The following ITGA2 variants were observed in gnomAD, a reference collection of about 807,000 sequenced individuals.
ITGA2 encodes the protein integrin subunit alpha 2.
ITGA2 carries 101 observed loss-of-function variants against 146.3 expected under a neutral mutation model. The ratio of observed to expected loss-of-function variants is 0.69; its 90% CI spans 0.59 to 0.81. The LOEUF (loss-of-function observed/expected upper bound fraction) is 0.81. Ranked by LOEUF, ITGA2 falls within the 40% of genes least tolerant of loss-of-function variation. ITGA2 has a pLI of 0.00. For synonymous variants in ITGA2, 477 were observed against 487.1 expected, an observed-to-expected ratio of 0.98 and a Z score of 0.27; for missense variants, 1,281 against 1,402.7, an observed-to-expected ratio of 0.91 and a Z score of 1.39.
Position 53,090,781 on chromosome 5 carries a change from TGC to T in ITGA2, c.*184_*185del. 1 of 158,314 alleles carries T rather than the reference TGC, an allele frequency of 6.3e-6. No homozygotes were observed. Among genetic ancestry groups the T allele is most frequent in the Non-Finnish European group, 1.2e-5 (1 of 86,468 alleles). 9.8% of individuals were successfully genotyped at this position (158,314 alleles called of 1,614,324 possible). ...AAGAAATTGTGGGGGGTGGGGGAGG[TGC>T]GGGGGGCAGGTAGGGAAATAATAGG... On this transcript the variant is annotated 3_prime_UTR_variant, in exon 30 of 30. Coordinates refer to ENST00000296585, the MANE Select transcript of ITGA2 (RefSeq NM_002203.4).
chr5:53,060,706 G>T (rs910336502), intron 11 of ITGA2, among the ~76,000 whole-genome samples, 195 bp from the exon 12 acceptor site: 2 of 151,948 alleles, frequency 1.3e-5, no homozygotes, highest in African/African-American at 4.8e-5. Context: ...GCAAAGGGAA[G>T]TGCTGCAGGT....
intron 2 of ITGA2, among the ~76,000 whole-genome samples, chr5:53,036,835 A>G (rs1260666211): frequency 2.0e-5 from 3 of 152,206 alleles, no homozygotes; most frequent in Non-Finnish European, 2.9e-5. Context: ...GCCACCACGT[A>G]TAGACTCACA....
intron 17 of ITGA2, among the ~76,000 whole-genome samples, chr5:53,070,852 A>G (rs1176456958): frequency 6.6e-6 from 1 of 151,958 alleles, no homozygotes; most frequent in Non-Finnish European, 1.5e-5. Context: ...TGGAAACCAC[A>G]TAATGGCATT....
rs1740336381 is a variant in ITGA2 at position 53,090,035 on chromosome 5, G to A, written c.3438G>A (p.Leu1146=). 6.2e-7 allele frequency: 1 copy of A among 1,610,444 alleles called. No individual in the cohort carries two copies. Among genetic ancestry groups the A allele is most frequent in the Admixed American group, 1.7e-5 (1 of 59,990 alleles). The change falls in exon 29 of 30, where the codon CTG becomes CTA. Residue 1146 remains leucine (L), a synonymous_variant. Transcript: ENST00000296585. ...GTATAATTGCTGGAATCCTTTTGCT[G>A]TTAGCTCTGGTTGCAATTTTATGGA... is the stretch of plus-strand genomic sequence containing the variant. ...IGSIIAGILL[L]LALVAILWKL...
At chr5:53,078,499 A>T (rs1413602330) in intron 23 of ITGA2, among the ~76,000 whole-genome samples, 2 of 152,146 alleles carry the variant, frequency 1.3e-5, no homozygotes, top group African/African-American at 4.8e-5. Context: ...TTTTGTACTT[A>T]TTTAGAAACT....
chr5:53,036,860 C>T (rs1013508855), intron 2 of ITGA2, among the ~76,000 whole-genome samples: 15 of 152,150 alleles, frequency 9.9e-5, no homozygotes, highest in African/African-American at 3.6e-4. Flanking sequence ...GTATACTGCA[C>T]AAGGCCTGGA....
intron 1 of ITGA2, among the ~76,000 whole-genome samples, chr5:53,000,989 A>C (rs555354433): frequency 1.4e-5 from 2 of 142,874 alleles, no homozygotes; most frequent in Admixed American, 7.5e-5. Flanking sequence ...GCAACTTCCA[A>C]CTCCCGGGTT....
intron 2 of ITGA2, among the ~76,000 whole-genome samples, chr5:53,029,531 C>T (rs1743125378): frequency 6.6e-6 from 1 of 152,190 alleles, no homozygotes; most frequent in Non-Finnish European, 1.5e-5. Context: ...CTTTCAGTCT[C>T]AGCTCAAATG....
intron 8 of ITGA2, 142 bp from the exon 9 acceptor site, chr5:53,055,842 C>A: frequency 1.6e-6 from 2 of 1,243,706 alleles, no homozygotes; most frequent in Non-Finnish European, 2.3e-6. Context: ...ATTTTCAATC[C>A]TGTCTACTAA....
intron 2 of ITGA2, among the ~76,000 whole-genome samples, chr5:53,035,420 T>G (rs1299784059): frequency 5.3e-5 from 8 of 152,218 alleles, no homozygotes; most frequent in Non-Finnish European, 1.0e-4. Context: ...TTAGCAATAG[T>G]GAAGTCAGTG....
chr5:53,002,414 T>C (rs1325693454), intron 1 of ITGA2, among the ~76,000 whole-genome samples: 1 of 152,104 alleles, frequency 6.6e-6, no homozygotes, highest in Non-Finnish European at 1.5e-5. Flanking sequence ...AGAAAAAATA[T>C]TTATATTTCT....
chr5:53,081,555 T>C, intron 25 of ITGA2, 37 bp from the exon 26 acceptor site: 1 of 1,461,830 alleles, frequency 6.8e-7, no homozygotes, highest in Non-Finnish European at 9.5e-7. Context: ...TAAACTGTTT[T>C]GCTTCTGAAG....
chr5:53,068,310 C>T (rs1316280134), intron 16 of ITGA2, among the ~76,000 whole-genome samples: 1 of 151,908 alleles, frequency 6.6e-6, no homozygotes, highest in Admixed American at 6.6e-5. Context: ...TTTTGAGTAG[C>T]ATATGTCACT....
At chr5:53,090,406 G>C in intron 29 of ITGA2, 113 bp from the exon 30 acceptor site, 1 of 860,026 alleles carries the variant, frequency 1.2e-6, no homozygotes, top group Non-Finnish European at 2.0e-6. Flanking sequence ...CCTCCCTTCA[G>C]AGCCTCAGGG....
At chr5:53,000,902 T>G (rs1311780963) in intron 1 of ITGA2, among the ~76,000 whole-genome samples, 5 of 144,320 alleles carry the variant, frequency 3.5e-5, no homozygotes, top group African/African-American at 1.0e-4. Context: ...TTTTTGTTTT[T>G]TTTTTTTTTT....
chr5:53,001,526 G>A (rs899548874), intron 1 of ITGA2, among the ~76,000 whole-genome samples: 1 of 152,024 alleles, frequency 6.6e-6, no homozygotes, highest in African/African-American at 2.4e-5. Flanking sequence ...TCCTTTTTAG[G>A]ATTGGCAAAT....
chr5:53,024,901 A>G (rs1294141942), intron 1 of ITGA2, among the ~76,000 whole-genome samples: 3 of 152,218 alleles, frequency 2.0e-5, no homozygotes, highest in Non-Finnish European at 4.4e-5. Flanking sequence ...CAATGGCAAG[A>G]CATAAGTTAA....
intron 3 of ITGA2, 112 bp from the exon 4 acceptor site, chr5:53,044,889 T>C: frequency 1.3e-6 from 1 of 752,834 alleles, no homozygotes. Flanking sequence ...CCTATATTGA[T>C]GACACTAAAT....
rs1168842569 is a variant in ITGA2, at chr5:53,037,588, T to A, written c.186-4524T>A. Among the ~76,000 whole-genome samples, 3 of 152,310 alleles carry A rather than the reference T, an allele frequency of 2.0e-5. No homozygotes were observed. In the South Asian group the frequency reaches 6.2e-4, roughly 32 times the overall value. ...TTCTTGGAATAGCCTCTTGGTGATG[T>A]CCTAGCCTCTTCTTATGAGGGTGAG... On this transcript the variant is annotated intron_variant, in intron 2 of 29. Transcript: ENST00000296585.
Sources: allele counts gnomAD v4.1 joint callset (sites outside exome capture counted in the v4.1 genomes callset), GRCh38; gene constraint gnomAD v4.1.1; transcripts MANE v1.5; gene names NCBI Gene and HGNC (gene_info 2026-07-23, HGNC 2026-07-21).